TTC12: variants seen among roughly 807,000 people sequenced by gnomAD.
TTC12 encodes tetratricopeptide repeat protein 12.
TTC12 carries 70 observed loss-of-function variants against 90.1 expected under a neutral mutation model. The ratio of observed to expected loss-of-function variants is 0.78; its 90% CI spans 0.64 to 0.95. TTC12 has a LOEUF of 0.95. Among genes scored for constraint, TTC12 ranks in the 40% least tolerant of loss-of-function variants. The pLI is 0.00. For synonymous variants in TTC12, 296 were observed against 311.5 expected, an observed-to-expected ratio of 0.95 and a Z score of 0.53; for missense variants, 819 against 846.1, an observed-to-expected ratio of 0.97 and a Z score of 0.40.
At chr11:113,338,018 A>T (rs1948467070) in intron 8 of TTC12, among the ~76,000 whole-genome samples, 1 of 151,848 alleles carries the variant, frequency 6.6e-6, no homozygotes. Context: ...TTGTTTCTTA[A>T]CTCTAGTCTT....
chr11:113,357,528 AT>A (rs782525055), intron 16 of TTC12, among the ~76,000 whole-genome samples: 7 of 152,104 alleles, frequency 4.6e-5, no homozygotes, highest in Non-Finnish European at 1.0e-4. Flanking sequence ...TATCAGGTTT[AT>A]CATGTGGATT....
At chr11:113,338,942 G>A (rs1555145003) in intron 9 of TTC12, 108 bp downstream of exon 9, 1 of 978,168 alleles carries the variant, frequency 1.0e-6, no homozygotes, top group Non-Finnish European at 1.6e-6. Flanking sequence ...GGCAGCGGCG[G>A]ATCCTCTTTC....
At chr11:113,335,445 A>T (rs957745429) in intron 8 of TTC12, among the ~76,000 whole-genome samples, 1 of 152,174 alleles carries the variant, frequency 6.6e-6, no homozygotes, top group East Asian at 1.9e-4. Context: ...CACACAATTC[A>T]TCTGTAGAAT....
At chr11:113,357,948 G>A (rs547551300) in intron 16 of TTC12, among the ~76,000 whole-genome samples, 2 of 152,352 alleles carry the variant, frequency 1.3e-5, no homozygotes. Flanking sequence ...CAGAGTGCTA[G>A]CAGGTGTCAG....
In TTC12 at chr11:113,338,767, T is replaced by C; in HGVS notation, c.577-7T>C. On this transcript the variant is annotated splice_region_variant and splice_polypyrimidine_tract_variant and intron_variant, in intron 8 of 21. Transcript: ENST00000529221. ...CCACTCTTCAAGGTCTTGTTTCTTT[T>C]TTCCAGTCTAGAGAGTGTTATAAGA... The C allele has an allele frequency of 6.2e-7, 1 of 1,613,054 alleles. No individual in the cohort carries two copies. The highest frequency in any genetic ancestry group is 1.7e-5 in the Admixed American group (1 of 59,962).
At chr11:113,356,365 TACCAGTGG>T (rs1284256763) in intron 16 of TTC12, among the ~76,000 whole-genome samples, 2 of 152,240 alleles carry the variant, frequency 1.3e-5, no homozygotes, top group East Asian at 3.8e-4. Flanking sequence ...GAAGACAGCA[TACCAGTGG>T]ATCGTGGTTC....
chr11:113,325,215 A>G (rs1308978799), intron 5 of TTC12, among the ~76,000 whole-genome samples: 2 of 150,830 alleles, frequency 1.3e-5, no homozygotes, highest in African/African-American at 2.4e-5. Flanking sequence ...TAATTATTTG[A>G]CCCTCTTTAT....
At chr11:113,361,988 T>G (rs1456526265) in intron 18 of TTC12, among the ~76,000 whole-genome samples, 1 of 135,546 alleles carries the variant, frequency 7.4e-6, no homozygotes, top group African/African-American at 2.7e-5. Flanking sequence ...AGCCGGGAAA[T>G]AAAGTAAATG....
chr11:113,324,043 T>G (rs782496189), intron 4 of TTC12, 28 bp downstream of exon 4: 1 of 1,596,020 alleles, frequency 6.3e-7, no homozygotes, highest in South Asian at 1.1e-5. Context: ...CTTCCCAATT[T>G]TCATTCTTTA....
In TTC12 at chr11:113,350,518, C is replaced by A. The variant is rs139910588; in HGVS notation, c.1247+353C>A. On this transcript the variant is annotated intron_variant, in intron 14 of 21. Coordinates refer to ENST00000529221, the MANE Select transcript of TTC12 (RefSeq NM_017868.4). ...CAAATTTGCGTTGAATGAACCTGAG[C>A]GAGCCAGCGAGCCAGCAAGCAAGAA... 3.9e-5 allele frequency among the ~76,000 whole-genome samples: 6 copies of A among 152,288 alleles called. No individual in the cohort carries two copies. In the East Asian group the frequency reaches 1.2e-3, roughly 29 times the overall value.
intron 4 of TTC12, 41 bp from the exon 5 acceptor site, chr11:113,324,564 T>C: frequency 6.4e-7 from 1 of 1,558,568 alleles, no homozygotes; most frequent in East Asian, 2.2e-5. Context: ...TTATAGTATT[T>C]GGATTTTTCT....
rs539832866 is a variant in TTC12, at chr11:113,364,729, G to A, written c.1817-106G>A. On this transcript the variant is annotated intron_variant, in intron 20 of 21. Coordinates refer to ENST00000529221, the MANE Select transcript of TTC12 (RefSeq NM_017868.4). ...CAAGTTCTGCTGCAGAGTTACTGGG[G>A]AAGCTCGGTGTCCGCTGACATCTCC... The A allele has an allele frequency of 7.7e-5, 64 of 832,868 alleles. 1 individual carries two copies. The South Asian group carries it at 9.8e-4, about 13-fold the overall frequency. 51.6% of individuals were successfully genotyped at this position (832,868 alleles called of 1,614,324 possible). A position where few individuals can be genotyped will look rare whatever the true frequency, so the allele number is the denominator to read the frequency against.
At chr11:113,316,575 T>C (rs572445943) in intron 2 of TTC12, among the ~76,000 whole-genome samples, 1 of 152,248 alleles carries the variant, frequency 6.6e-6, no homozygotes, top group Non-Finnish European at 1.5e-5. Context: ...TATCCTTCTA[T>C]GTGGAATCCA....
At chr11:113,367,926 C>A (rs754268307), downstream of TTC12, among the ~76,000 whole-genome samples, 1 of 152,200 alleles carries the variant, frequency 6.6e-6, no homozygotes, top group Non-Finnish European at 1.5e-5. Flanking sequence ...AAAGGGAGAA[C>A]GGCTCGATGC....
intron 17 of TTC12, 67 bp downstream of exon 17, chr11:113,359,528 C>A: frequency 9.3e-7 from 1 of 1,073,514 alleles, no homozygotes; most frequent in South Asian, 1.3e-5. Flanking sequence ...GGCATAAAAC[C>A]ATTCTCATGT....
intron 6 of TTC12, among the ~76,000 whole-genome samples, chr11:113,329,040 G>A (rs1008297338): frequency 6.6e-6 from 1 of 152,102 alleles, no homozygotes; most frequent in Non-Finnish European, 1.5e-5. Flanking sequence ...ATCACTGATG[G>A]ACATTTGGAT....
Position 113,335,717 on chromosome 11 carries a change from T to C in TTC12, c.576+680T>C, listed in dbSNP as rs566089416. Among the ~76,000 whole-genome samples the C allele has an allele frequency of 9.9e-5, 15 of 152,240 alleles. 1 individual carries two copies. Among genetic ancestry groups the C allele is most frequent in the South Asian group, 8.3e-4 (4 of 4,832 alleles). On this transcript the variant is annotated intron_variant, in intron 8 of 21. Coordinates refer to ENST00000529221, the MANE Select transcript of TTC12 (RefSeq NM_017868.4). ...AACTGAGGTTGTTCACTTAGTATAATGTTTGCCTGGTACATTTTTGTTGTA... is the reference window on the plus strand; with the variant it reads ...AACTGAGGTTGTTCACTTAGTATAACGTTTGCCTGGTACATTTTTGTTGTA...
In TTC12 at chr11:113,372,343, G is replaced by A. The variant is rs78696376; in HGVS notation, c.*121-781G>A. On this transcript the variant is annotated intron_variant, in intron 21 of 21. Transcript: ENST00000314756. ...CTCCCCATCTCACTCCACCTTCTAA[G>A]CCATCATGCACACTGCAGCCAGGAG... 8.4e-3 allele frequency among the ~76,000 whole-genome samples: 1,280 copies of A among 152,278 alleles called. 23 individuals carry two copies. The highest frequency in any genetic ancestry group is 0.029 in the African/African-American group (1,209 of 41,548).
At chr11:113,339,638 C>T (rs1029037330) in intron 10 of TTC12, 164 bp downstream of exon 10, 12 of 609,828 alleles carry the variant, frequency 2.0e-5, no homozygotes, top group African/African-American at 3.7e-5. Flanking sequence ...AAATGTCCTC[C>T]GACTTCTGCT....
Sources: gnomAD v4.1 joint callset for allele counts (sites outside exome capture counted in the v4.1 genomes callset) on GRCh38, gnomAD v4.1.1 for gene constraint, MANE v1.5 for transcripts, NCBI Gene and HGNC (gene_info 2026-07-23, HGNC 2026-07-21) for gene names.